The following CASK variants were observed in gnomAD, a reference collection of about 807,000 sequenced individuals.
CASK encodes peripheral plasma membrane protein CASK.
In CASK, 4 loss-of-function variants were observed where a neutral mutation model predicts 82.9. The observed-to-expected ratio is 0.05, with a 90% CI of 0.02 to 0.11. The LOEUF (loss-of-function observed/expected upper bound fraction) is 0.11, where lower values mean the gene tolerates loss of function less well. Among genes scored for constraint, CASK ranks in the 10% least tolerant of loss-of-function variants. CASK has a pLI of 1.00. For synonymous variants in CASK, 259 were observed against 253.5 expected, an observed-to-expected ratio of 1.02 and a Z score of -0.20; for missense variants, 358 against 720.9, an observed-to-expected ratio of 0.50 and a Z score of 5.76.
intron 1 of CASK, among the ~76,000 whole-genome samples, chrX:41,912,808 A>AT (rs1556308147): frequency 4.3e-5 from 4 of 93,069 alleles, no homozygotes; most frequent in Admixed American, 1.2e-4. Context: ...ATATATATAT[A>AT]AAATATATAT....
chrX:41,755,131 C>T (rs2068869481), intron 3 of CASK, among the ~76,000 whole-genome samples: 1 of 110,904 alleles, frequency 9.0e-6, no homozygotes, highest in African/African-American at 3.3e-5. Flanking sequence ...CCTGCCTCGG[C>T]CTCCCAAAGT....
intron 1 of CASK, among the ~76,000 whole-genome samples, chrX:41,894,718 C>A (rs1011099274): frequency 2.7e-4 from 30 of 109,541 alleles, no homozygotes; most frequent in Non-Finnish European, 1.9e-4. Context: ...CAATAGGGAG[C>A]TTCAAAGAGG....
intron 8 of CASK, among the ~76,000 whole-genome samples, chrX:41,647,813 C>T (rs1319262269): frequency 8.9e-6 from 1 of 111,983 alleles, no homozygotes; most frequent in Non-Finnish European, 1.9e-5. Flanking sequence ...TATCACTTCC[C>T]CAATCAATAC....
chrX:41,534,587 T>C, intron 24 of CASK, 119 bp downstream of exon 24: 1 of 566,656 alleles, frequency 1.8e-6, no homozygotes, highest in Middle Eastern at 4.1e-4. Flanking sequence ...TTTTTTTGAT[T>C]TTACAAATTT....
chrX:41,833,212 T>C (rs1457021981), intron 2 of CASK, among the ~76,000 whole-genome samples: 1 of 111,868 alleles, frequency 8.9e-6, no homozygotes, highest in East Asian at 2.8e-4. Flanking sequence ...TGAATATTCA[T>C]ATCAAGATTA....
intron 5 of CASK, among the ~76,000 whole-genome samples, chrX:41,679,174 TAG>T (rs1231265875): frequency 8.9e-6 from 1 of 111,876 alleles, no homozygotes; most frequent in African/African-American, 3.3e-5. Flanking sequence ...AGCGTACCAT[TAG>T]AGTTTTGATG....
At chrX:41,668,789 G>A (rs1003069228) in intron 6 of CASK, among the ~76,000 whole-genome samples, 1 of 109,580 alleles carries the variant, frequency 9.1e-6, no homozygotes, top group African/African-American at 3.3e-5. Flanking sequence ...TGCTCAGGCT[G>A]GAGGGCAGTG....
intron 1 of CASK, among the ~76,000 whole-genome samples, chrX:41,881,874 C>T (rs985438869): frequency 3.0e-4 from 33 of 111,441 alleles, no homozygotes; most frequent in African/African-American, 9.4e-4. Flanking sequence ...ACAGTTCGGA[C>T]TTTGGAGTTG....
chrX:41,606,495 C>T (rs1231969780), intron 12 of CASK, among the ~76,000 whole-genome samples: 3 of 111,658 alleles, frequency 2.7e-5, no homozygotes, highest in East Asian at 2.8e-4. Context: ...TCAGGTAATC[C>T]GCCCGCCTTG....
At chrX:41,659,292 A>T (rs2066992524) in intron 8 of CASK, among the ~76,000 whole-genome samples, 2 of 108,919 alleles carry the variant, frequency 1.8e-5, no homozygotes, top group Non-Finnish European at 3.8e-5. Flanking sequence ...TAGTGACACG[A>T]TCTTGGCTCA....
chrX:41,820,844 G>A (rs2070521323), intron 2 of CASK, among the ~76,000 whole-genome samples: 2 of 111,016 alleles, frequency 1.8e-5, no homozygotes, highest in Admixed American at 9.6e-5. Context: ...TTTGATAAAG[G>A]TGCTAAAATA....
chrX:41,845,975 G>C (rs770577872), intron 2 of CASK, among the ~76,000 whole-genome samples: 1 of 111,743 alleles, frequency 8.9e-6, no homozygotes, highest in African/African-American at 3.2e-5. Context: ...CTGTTGGTGA[G>C]AATGTAAATT....
At chrX:41,776,770 T>C in intron 3 of CASK, among the ~76,000 whole-genome samples, 1 of 112,512 alleles carries the variant, frequency 8.9e-6, no homozygotes, top group Non-Finnish European at 1.9e-5. Context: ...AAAACTTTAT[T>C]GCAAGAAATC....
intron 3 of CASK, among the ~76,000 whole-genome samples, chrX:41,765,127 T>C (rs1328307557): frequency 8.9e-6 from 1 of 112,209 alleles, no homozygotes; most frequent in Non-Finnish European, 1.9e-5. Flanking sequence ...ACAAATTTTC[T>C]TAGACCTAGT....
intron 14 of CASK, among the ~76,000 whole-genome samples, chrX:41,583,511 A>G (rs2065611941): frequency 9.1e-6 from 1 of 110,467 alleles, no homozygotes; most frequent in South Asian, 3.9e-4. Flanking sequence ...ATCTCGCCTC[A>G]CTGAAACCTC....
intron 3 of CASK, among the ~76,000 whole-genome samples, chrX:41,767,988 C>G (rs1280633169): frequency 1.8e-5 from 2 of 111,828 alleles, no homozygotes; most frequent in Non-Finnish European, 3.8e-5. Context: ...ATACCTAACA[C>G]TTGGAATTCT....
chrX:41,800,297 C>A, intron 2 of CASK, among the ~76,000 whole-genome samples: 1 of 109,879 alleles, frequency 9.1e-6, no homozygotes, highest in East Asian at 2.9e-4. Context: ...TCCTTCCCGG[C>A]AACACAAAAA....
At chrX:41,655,572 G>A (rs1255681980) in intron 8 of CASK, among the ~76,000 whole-genome samples, 1 of 111,600 alleles carries the variant, frequency 9.0e-6, no homozygotes, top group Admixed American at 9.5e-5. Flanking sequence ...GGTTTATGCA[G>A]GAACATCCTC....
chrX:41,921,132 T>C (rs2072773756), intron 1 of CASK, among the ~76,000 whole-genome samples: 1 of 112,481 alleles, frequency 8.9e-6, no homozygotes, highest in African/African-American at 3.2e-5. Flanking sequence ...TTTTAATTAA[T>C]TAAAATTTAA....
Sources: gnomAD v4.1 joint callset for allele counts (sites outside exome capture counted in the v4.1 genomes callset) on GRCh38, gnomAD v4.1.1 for gene constraint, MANE v1.5 for transcripts, NCBI Gene and HGNC (gene_info 2026-07-23, HGNC 2026-07-21) for gene names.